NNT: variants seen among roughly 807,000 people sequenced by gnomAD.
NNT encodes the protein NAD(P) transhydrogenase, mitochondrial.
Under a neutral mutation model 104.8 loss-of-function variants are expected in NNT, and 50 were observed. That is an observed-to-expected ratio of 0.48 (90% CI 0.38 to 0.60). NNT has a LOEUF of 0.60. NNT is among the 20% of genes least tolerant of loss of function. The pLI, the probability that NNT is intolerant of heterozygous loss-of-function variation, is 0.00. For synonymous variants in NNT, 461 were observed against 490.4 expected, an observed-to-expected ratio of 0.94 and a Z score of 0.79; for missense variants, 1,131 against 1,330.7, an observed-to-expected ratio of 0.85 and a Z score of 2.33.
intron 17 of NNT, among the ~76,000 whole-genome samples, chr5:43,674,118 C>A (rs552060056): frequency 6.6e-6 from 1 of 151,938 alleles, no homozygotes; most frequent in East Asian, 1.9e-4. Context: ...ATGTAACAAT[C>A]TTAGACAAAT....
At chr5:43,670,073 G>T (rs186391545) in intron 17 of NNT, among the ~76,000 whole-genome samples, 3 of 152,252 alleles carry the variant, frequency 2.0e-5, no homozygotes, top group Admixed American at 1.3e-4. Context: ...TTGCATAGAG[G>T]TGTTTATAGT....
intron 19 of NNT, among the ~76,000 whole-genome samples, chr5:43,692,943 G>C (rs1408034661): frequency 6.6e-6 from 1 of 151,996 alleles, no homozygotes; most frequent in Non-Finnish European, 1.5e-5. Context: ...TGCTTTGTTT[G>C]CATCCTTCTT....
At chr5:43,650,294 G>A (rs1027984578) in intron 11 of NNT, among the ~76,000 whole-genome samples, 183 bp from the exon 12 acceptor site, 2 of 152,212 alleles carry the variant, frequency 1.3e-5, no homozygotes, top group African/African-American at 4.8e-5. Context: ...AAGATGTGTT[G>A]TCAACAGTCT....
At chr5:43,703,029 C>A (rs1742940148) in intron 21 of NNT, among the ~76,000 whole-genome samples, 1 of 152,152 alleles carries the variant, frequency 6.6e-6, no homozygotes, top group Non-Finnish European at 1.5e-5. Context: ...ATGAGTCTGG[C>A]TAAATTCCAG....
intron 19 of NNT, among the ~76,000 whole-genome samples, chr5:43,695,092 A>G (rs996674141): frequency 1.3e-5 from 2 of 152,158 alleles, no homozygotes; most frequent in Admixed American, 1.3e-4. Context: ...GTATAGAGGT[A>G]TTTGATAAAA....
Position 43,649,278 on chromosome 5 carries a change from C to T in NNT, c.1576C>T (p.Pro526Ser). Residue 526 changes from proline (P) to serine (S), a missense_variant, in exon 11 of 22, where the codon CCA becomes TCA. By Grantham distance (74) the Pro-to-Ser change is moderately conservative. Coordinates refer to ENST00000344920, the MANE Select transcript of NNT (RefSeq NM_182977.3). ...VWGVTPALHS[P>S]LMSVTNAISG... Reference sequence around the variant, plus strand: ...GGGAGTGACCCCTGCTCTCCACTCACCACTGATGTCTGTGACAAATGCAAT... The same window carrying T: ...GGGAGTGACCCCTGCTCTCCACTCATCACTGATGTCTGTGACAAATGCAAT... 6.2e-7 allele frequency: 1 copy of T among 1,614,148 alleles called. No homozygotes were observed. The highest frequency in any genetic ancestry group is 8.5e-7 in the Non-Finnish European group (1 of 1,180,018).
intron 17 of NNT, 59 bp downstream of exon 17, chr5:43,659,409 C>A: frequency 2.2e-6 from 3 of 1,359,672 alleles, no homozygotes; most frequent in South Asian, 1.4e-5. Context: ...CATGGATGTG[C>A]ATGTCATTTC....
chr5:43,645,358 A>G lies in NNT; in HGVS notation c.1292A>G (p.Asp431Gly), dbSNP rs752581106. ...HVIRGTVVMK[D>G]GKVIFPAPTP... Reference sequence around the variant, plus strand: ...GTACTATTTTTTAATGTCTATTAGGATGGTAAAGTGATTTTCCCAGCTCCC... The same window carrying G: ...GTACTATTTTTTAATGTCTATTAGGGTGGTAAAGTGATTTTCCCAGCTCCC... The change falls in exon 10 of 22, where the codon GAT becomes GGT. Residue 431 changes from aspartate (D) to glycine (G), a missense_variant and splice_region_variant. By Grantham distance (94) the Asp-to-Gly change is moderately conservative. Coordinates refer to ENST00000344920, the MANE Select transcript of NNT (RefSeq NM_182977.3). 2.0e-6 allele frequency: 3 copies of G among 1,534,716 alleles called. No homozygotes were observed. Among genetic ancestry groups the G allele is most frequent in the Admixed American group, 1.9e-5 (1 of 51,432 alleles).
At chr5:43,635,104 C>T (rs1304990040) in intron 7 of NNT, among the ~76,000 whole-genome samples, 1 of 152,158 alleles carries the variant, frequency 6.6e-6, no homozygotes, top group Non-Finnish European at 1.5e-5. Context: ...CTTCCATTTT[C>T]CTTATAGTTT....
chr5:43,699,353 CTT>C (rs11397352), intron 19 of NNT, among the ~76,000 whole-genome samples: 5 of 122,476 alleles, frequency 4.1e-5, no homozygotes, highest in Admixed American at 8.8e-5. Context: ...ATCTCCCTAC[CTT>C]TTTTTTTTTT....
At chr5:43,694,591 T>G (rs577402947) in intron 19 of NNT, among the ~76,000 whole-genome samples, 13 of 152,256 alleles carry the variant, frequency 8.5e-5, no homozygotes, top group Non-Finnish European at 1.6e-4. Flanking sequence ...TTTATTGATT[T>G]GCATATGTTG....
intron 16 of NNT, among the ~76,000 whole-genome samples, chr5:43,657,585 C>T (rs1740125551): frequency 6.6e-6 from 1 of 152,096 alleles, no homozygotes; most frequent in African/African-American, 2.4e-5. Context: ...TTACTGGCTC[C>T]TTGATTGAGA....
chr5:43,678,066 A>G (rs1741514205), intron 19 of NNT, among the ~76,000 whole-genome samples: 1 of 152,194 alleles, frequency 6.6e-6, no homozygotes, highest in African/African-American at 2.4e-5. Flanking sequence ...TAGTAGAGAA[A>G]GGAAAATGTT....
At chr5:43,615,438 C>A (rs1191792760) in intron 3 of NNT, among the ~76,000 whole-genome samples, 1 of 152,224 alleles carries the variant, frequency 6.6e-6, no homozygotes, top group African/African-American at 2.4e-5. Flanking sequence ...TTAGCAAGGA[C>A]TGAATCTTGC....
chr5:43,665,179 T>C (rs1740567527), intron 17 of NNT, among the ~76,000 whole-genome samples: 1 of 151,788 alleles, frequency 6.6e-6, no homozygotes, highest in South Asian at 2.1e-4. Context: ...TGAAACCTCT[T>C]TGTTCACTGG....
rs536317519 is a variant in NNT, at chr5:43,663,469, C to T, written c.2634+4119C>T. On this transcript the variant is annotated intron_variant, in intron 17 of 21. Coordinates refer to ENST00000344920, the MANE Select transcript of NNT (RefSeq NM_182977.3). ...ACAAATACAAGCCTGTCATATTTTT[C>T]GATTTTGAAGATGGAAATTATCTTT... Among the ~76,000 whole-genome samples the T allele has an allele frequency of 1.6e-3, 239 of 152,216 alleles. 1 individual carries two copies. The highest frequency in any genetic ancestry group is 5.6e-3 in the African/African-American group (234 of 41,554).
chr5:43,650,229 G>C (rs1268849888), intron 11 of NNT, among the ~76,000 whole-genome samples: 1 of 152,196 alleles, frequency 6.6e-6, no homozygotes, highest in Non-Finnish European at 1.5e-5. Context: ...TGCAGAAGGA[G>C]AAAAAGTTTT....
intron 10 of NNT, among the ~76,000 whole-genome samples, chr5:43,647,274 CAAAA>C (rs1434182866): frequency 6.6e-6 from 1 of 152,102 alleles, no homozygotes; most frequent in Non-Finnish European, 1.5e-5. Context: ...GTTAAAAAAA[CAAAA>C]GAAATGAGGT....
Position 43,666,806 on chromosome 5 carries a change from C to A in NNT, c.2634+7456C>A, listed in dbSNP as rs1354166901. The A allele has an allele frequency of 3.0e-6, 4 of 1,333,840 alleles. No homozygotes were observed. In the African/African-American group the frequency reaches 5.7e-5, roughly 19 times the overall value. The allele number at this position is 1,333,840 out of a possible 1,614,324, so 82.6% of individuals were successfully genotyped here. A position where few individuals can be genotyped will look rare whatever the true frequency, so the allele number is the denominator to read the frequency against. On this transcript the variant is annotated intron_variant, in intron 17 of 21. Transcript: ENST00000344920. ...GTAGGGGCCTCGGTACCTTTGGGAG[C>A]CTGAGCTGGAACTGAAGCTGGAGCT... is the stretch of plus-strand genomic sequence containing the variant.
Sources: allele counts gnomAD v4.1 joint callset (sites outside exome capture counted in the v4.1 genomes callset), GRCh38; gene constraint gnomAD v4.1.1; transcripts MANE v1.5; gene names NCBI Gene and HGNC (gene_info 2026-07-23, HGNC 2026-07-21).